The following SSH2 variants were observed in gnomAD, a reference collection of about 807,000 sequenced individuals.
The protein encoded by SSH2 is protein phosphatase Slingshot homolog 2.
Under a neutral mutation model 135.2 loss-of-function variants are expected in SSH2, and 37 were observed. The ratio of observed to expected loss-of-function variants is 0.27; its 90% CI spans 0.21 to 0.36. The LOEUF (loss-of-function observed/expected upper bound fraction) is 0.36. Ranked by LOEUF, SSH2 falls within the 10% of genes least tolerant of loss-of-function variation. The pLI is 1.00. For missense variants in SSH2, 1,408 were observed against 1,765.3 expected (o/e 0.80, Z 3.63); for synonymous variants, 628 against 646.2 (o/e 0.97, Z 0.43).
chr17:29,871,642 T>G (rs1470369432), intron 1 of SSH2, among the ~76,000 whole-genome samples: 1 of 152,212 alleles, frequency 6.6e-6, no homozygotes, highest in Non-Finnish European at 1.5e-5. Context: ...CCCTACTTAA[T>G]TAATAAAAAA....
chr17:29,857,384 G>T (rs998456663), intron 1 of SSH2, among the ~76,000 whole-genome samples: 7 of 152,036 alleles, frequency 4.6e-5, no homozygotes, highest in African/African-American at 1.7e-4. Context: ...AACAGCACGG[G>T]AAAGACTTGC....
At chr17:29,715,236 C>T (rs962448687) in intron 3 of SSH2, among the ~76,000 whole-genome samples, 1 of 149,578 alleles carries the variant, frequency 6.7e-6, no homozygotes, top group Non-Finnish European at 1.5e-5. Context: ...AGTCCCATGT[C>T]CTATTTCTTT....
At chr17:29,655,710 C>T (rs1282558872) in intron 11 of SSH2, 103 bp from the exon 12 acceptor site, 6 of 1,007,452 alleles carry the variant, frequency 6.0e-6, no homozygotes, top group Non-Finnish European at 9.5e-6. Context: ...AGACTAATAA[C>T]ATCTACCAGT....
Position 29,648,133 on chromosome 17 carries a change from CACTG to C in SSH2, c.1427+7_1427+10del. On this transcript the variant is annotated splice_region_variant and intron_variant, in intron 14 of 15. Coordinates refer to ENST00000540801, the MANE Select transcript of SSH2 (RefSeq NM_001282129.2). ...AAAAGGAGGGAGAATTGGAGAAAGT[CACTG>C]ACTCACCTTGCCAGCAAGATCCCCT... 1 of 1,613,134 alleles carries C rather than the reference CACTG, an allele frequency of 6.2e-7. No individual in the cohort carries two copies. The highest frequency in any genetic ancestry group is 1.1e-5 in the South Asian group (1 of 91,032).
At chr17:29,701,404 CT>C (rs55721735) in intron 4 of SSH2, among the ~76,000 whole-genome samples, 1,392 of 90,308 alleles carry the variant, frequency 0.015, 14 homozygotes, top group African/African-American at 0.038. Flanking sequence ...GTGCCTGGCT[CT>C]TTTTTTTTTT....
At chr17:29,719,279 T>C (rs2039736317) in intron 3 of SSH2, among the ~76,000 whole-genome samples, 1 of 152,200 alleles carries the variant, frequency 6.6e-6, no homozygotes, top group Admixed American at 6.5e-5. Context: ...CGTCCATCAA[T>C]GTTCTCTTTG....
chr17:29,707,685 C>T (rs1002420099), intron 3 of SSH2, among the ~76,000 whole-genome samples: 1 of 152,054 alleles, frequency 6.6e-6, no homozygotes, highest in African/African-American at 2.4e-5. Context: ...GTCACCATAC[C>T]TGGCTAATTT....
intron 2 of SSH2, among the ~76,000 whole-genome samples, chr17:29,804,843 CTTT>C (rs531310094): frequency 3.4e-4 from 34 of 98,988 alleles, no homozygotes; most frequent in Middle Eastern, 6.5e-3. Context: ...CCACATCTGG[CTTT>C]TTTTTTTTTT....
intron 3 of SSH2, among the ~76,000 whole-genome samples, chr17:29,709,050 A>AGAGAGAGAGAGAGAGAGAGC (rs982312745): frequency 6.9e-6 from 1 of 145,574 alleles, no homozygotes; most frequent in Admixed American, 6.9e-5. Context: ...AGAGAGAGAG[A>AGAGAGAGAGAGAGAGAGAGC]GAGCTAATAA....
chr17:29,778,093 T>G (rs1171992926), intron 3 of SSH2, among the ~76,000 whole-genome samples: 1 of 152,160 alleles, frequency 6.6e-6, no homozygotes, highest in Non-Finnish European at 1.5e-5. Flanking sequence ...ATTTTACAGT[T>G]TTTCAATGAG....
intron 12 of SSH2, among the ~76,000 whole-genome samples, chr17:29,651,918 G>A (rs752059851): frequency 4.6e-5 from 7 of 152,286 alleles, no homozygotes; most frequent in South Asian, 2.1e-4. Flanking sequence ...CGAGGTGGGC[G>A]GATCACCAGA....
At chr17:29,849,265 G>A (rs1422303914) in intron 1 of SSH2, among the ~76,000 whole-genome samples, 1 of 151,798 alleles carries the variant, frequency 6.6e-6, no homozygotes, top group African/African-American at 2.4e-5. Flanking sequence ...GGATCACAAG[G>A]TCAGGAGATC....
At chr17:29,694,663 C>T (rs1289947469) in intron 5 of SSH2, among the ~76,000 whole-genome samples, 1 of 152,038 alleles carries the variant, frequency 6.6e-6, no homozygotes. Flanking sequence ...AGCAAGACTC[C>T]GTCTCACAAA....
At chr17:29,639,435 C>T (rs972582455) in intron 14 of SSH2, among the ~76,000 whole-genome samples, 1 of 151,844 alleles carries the variant, frequency 6.6e-6, no homozygotes, top group Non-Finnish European at 1.5e-5. Flanking sequence ...CCCTGGGCTC[C>T]GGGCCACGCC....
At chr17:29,793,664 C>T in intron 3 of SSH2, 1 of 396,876 alleles carries the variant, frequency 2.5e-6, no homozygotes, top group Non-Finnish European at 4.6e-6. Context: ...GAGGAAGGTC[C>T]TGATACGTTG....
intron 1 of SSH2, among the ~76,000 whole-genome samples, chr17:29,917,724 G>A (rs746366244): frequency 1.2e-4 from 19 of 152,232 alleles, no homozygotes; most frequent in Middle Eastern, 3.4e-3. Flanking sequence ...GCATGGTGGC[G>A]GATGCCTGTA....
At chr17:29,817,041 T>C (rs1258874262) in intron 2 of SSH2, among the ~76,000 whole-genome samples, 1 of 152,180 alleles carries the variant, frequency 6.6e-6, no homozygotes, top group Non-Finnish European at 1.5e-5. Flanking sequence ...TAAGTAAAAC[T>C]ACACGAATAC....
intron 1 of SSH2, among the ~76,000 whole-genome samples, chr17:29,914,408 T>A (rs2066842993): frequency 6.6e-6 from 1 of 151,300 alleles, no homozygotes; most frequent in East Asian, 1.9e-4. Flanking sequence ...AAAATAATAA[T>A]AAAAAAAGTA....
At chr17:29,905,402 G>A (rs993514959) in intron 1 of SSH2, among the ~76,000 whole-genome samples, 2 of 152,194 alleles carry the variant, frequency 1.3e-5, no homozygotes, top group African/African-American at 4.8e-5. Context: ...CAGCAGGGAG[G>A]TGTGGCTGGG....
Sources: allele counts gnomAD v4.1 joint callset (sites outside exome capture counted in the v4.1 genomes callset), GRCh38; gene constraint gnomAD v4.1.1; transcripts MANE v1.5; gene names NCBI Gene and HGNC (gene_info 2026-07-23, HGNC 2026-07-21).